The following FBH1 variants were observed in gnomAD, a reference collection of about 807,000 sequenced individuals.
The protein encoded by FBH1 is DNA 3'-5' helicase 1.
FBH1 carries 43 observed loss-of-function variants against 115.5 expected under a neutral mutation model. The ratio of observed to expected loss-of-function variants is 0.37; its 90% CI spans 0.29 to 0.48. The LOEUF is 0.48. Ranked by LOEUF, FBH1 falls within the 20% of genes least tolerant of loss-of-function variation. The pLI is 0.99. For synonymous variants in FBH1, 524 were observed against 507.8 expected (o/e 1.03, Z -0.43); for missense variants, 1,001 against 1,337.3 (o/e 0.75, Z 3.92).
chr10:5,924,075 T>C lies in FBH1; in HGVS notation c.2399-236T>C. 6 of 586,904 alleles carry C rather than the reference T, an allele frequency of 1.0e-5. No homozygotes were observed. The highest frequency in any genetic ancestry group is 1.5e-5 in the Non-Finnish European group (5 of 330,452). The allele number at this position is 586,904 out of a possible 1,614,324, so 36.4% of individuals were successfully genotyped here. A position where few individuals can be genotyped will look rare whatever the true frequency, so the allele number is the denominator to read the frequency against. ...TGCACTATTTCAAATCCCTGTGAAG[T>C]AGGTGAGGATCTTGAGCCGAGGGCT... On this transcript the variant is annotated intron_variant, in intron 16 of 20. Coordinates refer to ENST00000362091, the MANE Select transcript of FBH1 (RefSeq NM_178150.3). This position sits in a 1 kb window ranked among gnomAD's most constrained non-coding sequence, Gnocchi z 6.2.
In FBH1 at chr10:5,909,260, G is replaced by A. The variant is rs757455090; in HGVS notation, c.986G>A (p.Arg329Gln). 13 of 1,612,236 alleles carry A rather than the reference G, an allele frequency of 8.1e-6. No individual in the cohort carries two copies. The highest frequency in any genetic ancestry group is 7.6e-6 in the Non-Finnish European group (9 of 1,180,010). ...PLLPEAEACV[R>Q]QHLPDLYAAA... ...CTCCCCGAGGCTGAGGCGTGTGTGCGGCAACACCTCCCCGACCTCTACGCT... is the reference window on the plus strand; with the variant it reads ...CTCCCCGAGGCTGAGGCGTGTGTGCAGCAACACCTCCCCGACCTCTACGCT... The change falls in exon 5 of 21, where the codon CGG becomes CAG. Residue 329 changes from arginine to glutamine, a missense_variant. By Grantham distance (43) the Arg-to-Gln change is conservative. This residue lies in a region of FBH1 where 420 missense variants were observed against 430.4 expected (regional missense o/e 0.98). Transcript: ENST00000362091. This position sits in a 1 kb window ranked among gnomAD's most constrained non-coding sequence, Gnocchi z 4.4.
At position 5,918,546 on chromosome 10, in the gene FBH1, A is replaced by C. The variant is rs1026518522; in HGVS notation, c.2100+68A>C. On this transcript the variant is annotated intron_variant, in intron 13 of 20. Coordinates refer to ENST00000362091, the MANE Select transcript of FBH1 (RefSeq NM_178150.3). The surrounding 1 kb of genome is among the most constrained non-coding windows in gnomAD (Gnocchi z 4.0). The stretch of plus-strand genomic sequence containing the variant: ...AATGTCTTACGTGCCAGGCCCTGTG[A>C]AAGGTGGTATGCCAGGCTCACCAGA... 6.8e-7 allele frequency: 1 copy of C among 1,470,052 alleles called. No homozygotes were observed. Among genetic ancestry groups the C allele is most frequent in the Non-Finnish European group, 9.0e-7 (1 of 1,114,026 alleles). The allele number at this position is 1,470,052 out of a possible 1,614,324, so 91.1% of individuals were successfully genotyped here.
chr10:5,922,952 C>T (rs1832397811), intron 15 of FBH1, among the ~76,000 whole-genome samples: 1 of 151,864 alleles, frequency 6.6e-6, no homozygotes, highest in Admixed American at 6.6e-5. Context: ...GGTGTGATCT[C>T]GGTTTGCTGT....
At chr10:5,902,562 G>A (rs1433508687) in intron 1 of FBH1, among the ~76,000 whole-genome samples, 2 of 152,014 alleles carry the variant, frequency 1.3e-5, no homozygotes, top group Non-Finnish European at 2.9e-5. Context: ...CACCTCTTGG[G>A]TTCAAGCGAT....
chr10:5,934,454 C>G (rs1430296843), intron 19 of FBH1: 1 of 150,078 alleles, frequency 6.7e-6, no homozygotes, highest in Non-Finnish European at 1.5e-5. Flanking sequence ...CTCGGCTCAC[C>G]GCAACCTCCA....
Position 5,923,910 on chromosome 10 carries a change from C to A in FBH1, c.2398+214C>A, listed in dbSNP as rs1832461333. The A allele has an allele frequency of 1.7e-6, 1 of 587,940 alleles. No homozygotes were observed. Among genetic ancestry groups the A allele is most frequent in the Admixed American group, 3.1e-5 (1 of 32,226 alleles). 36.4% of individuals were successfully genotyped at this position (587,940 alleles called of 1,614,324 possible). A position where few individuals can be genotyped will look rare whatever the true frequency, so the allele number is the denominator to read the frequency against. On this transcript the variant is annotated intron_variant, in intron 16 of 20. Transcript: ENST00000362091. The surrounding 1 kb of genome is among the most constrained non-coding windows in gnomAD (Gnocchi z 5.7). The stretch of plus-strand genomic sequence containing the variant: ...AGATCCTCCTCACAGGAGCCTCAGT[C>A]TCTTTCCAACACTGGTCCCATAGAC...
Position 5,895,202 on chromosome 10 carries a change from G to C in FBH1, c.1+4856G>C. 1 of 1,609,080 alleles carries C rather than the reference G, an allele frequency of 6.2e-7. No homozygotes were observed. Among genetic ancestry groups the C allele is most frequent in the Non-Finnish European group, 8.5e-7 (1 of 1,176,812 alleles). ...GCACGCTGAAAGTAAGAGGCATGTG[G>C]GAAACTGACCAGGGCGGTTAGCTGA... is the stretch of plus-strand genomic sequence containing the variant. On this transcript the variant is annotated intron_variant, in intron 1 of 20. Transcript: ENST00000362091. This position sits in a 1 kb window ranked among gnomAD's most constrained non-coding sequence, Gnocchi z 5.0.
At chr10:5,902,883 GA>G (rs1348957155) in intron 1 of FBH1, 136 bp from the exon 2 acceptor site, 7 of 659,402 alleles carry the variant, frequency 1.1e-5, no homozygotes, top group Non-Finnish European at 4.7e-6. Context: ...GGGGCAAGGG[GA>G]GGGGGGAACG....
At chr10:5,890,129 C>T (rs901362294), upstream of FBH1, 3 of 324,718 alleles carry the variant, frequency 9.2e-6, no homozygotes, top group Non-Finnish European at 1.7e-5. Flanking sequence ...CCCCTCCGGT[C>T]TCGCGTCCCG....
chr10:5,894,229 C>G, intron 1 of FBH1: 1 of 985,406 alleles, frequency 1.0e-6, no homozygotes, highest in Non-Finnish European at 1.2e-6. Flanking sequence ...AATGGGGACA[C>G]AATATTTTGA....
chr10:5,890,231 C>A, upstream of FBH1: 1 of 357,018 alleles, frequency 2.8e-6, no homozygotes, highest in South Asian at 1.4e-4. Flanking sequence ...CGGCGGGCGT[C>A]TCGGGCTCCA....
chr10:5,937,049 G>T, intron 20 of FBH1, 61 bp from the exon 21 acceptor site: 2 of 1,500,676 alleles, frequency 1.3e-6, no homozygotes, highest in Non-Finnish European at 1.8e-6. Flanking sequence ...CATGCTTTTT[G>T]CTGGAAAATC....
intron 9 of FBH1, 101 bp from the exon 10 acceptor site, chr10:5,916,133 C>G (rs1022980253): frequency 2.3e-5 from 24 of 1,044,926 alleles, no homozygotes; most frequent in Non-Finnish European, 3.3e-5. Context: ...GTGTGTGGCA[C>G]TTGAAGCTAC....
rs752538687 is a variant in FBH1 at position 5,917,531 on chromosome 10, G to C, written c.1876+24G>C. On this transcript the variant is annotated intron_variant, in intron 11 of 20. Transcript: ENST00000362091. The surrounding 1 kb of genome is among the most constrained non-coding windows in gnomAD (Gnocchi z 5.6). The stretch of plus-strand genomic sequence containing the variant: ...CGGTAGGCGGCTGCCGAATGGCGGG[G>C]ACTGGCCAATGGGACTGCCTTCCTG... The C allele has an allele frequency of 1.2e-6, 2 of 1,613,574 alleles. No homozygotes were observed. Among genetic ancestry groups the C allele is most frequent in the Non-Finnish European group, 1.7e-6 (2 of 1,179,612 alleles).
At position 5,937,351 on chromosome 10, in the gene FBH1, G is replaced by A; in HGVS notation, c.*71G>A. The A allele has an allele frequency of 7.1e-7, 1 of 1,412,494 alleles. No homozygotes were observed. Among genetic ancestry groups the A allele is most frequent in the Middle Eastern group, 2.6e-4 (1 of 3,846 alleles). The allele number at this position is 1,412,494 out of a possible 1,614,324, so 87.5% of individuals were successfully genotyped here. On this transcript the variant is annotated 3_prime_UTR_variant, in exon 21 of 21. Coordinates refer to ENST00000362091, the MANE Select transcript of FBH1 (RefSeq NM_178150.3). ...CCCCGCGTGAAGAAAGCCAGCGAGG[G>A]GGGCTTCTGCTCCCTGAGACTCTGG...
chr10:5,923,508 A>G lies in FBH1; in HGVS notation c.2323-113A>G. On this transcript the variant is annotated intron_variant, in intron 15 of 20. Transcript: ENST00000362091. The surrounding 1 kb of genome is among the most constrained non-coding windows in gnomAD (Gnocchi z 5.7). ...AGATCCATTTCCAAGAAACCATCTC[A>G]TTTCAAAACCCCATCCCTGCATTTG... 1 of 806,058 alleles carries G rather than the reference A, an allele frequency of 1.2e-6. No individual in the cohort carries two copies. The highest frequency in any genetic ancestry group is 2.0e-6 in the Non-Finnish European group (1 of 511,342). 49.9% of individuals were successfully genotyped at this position (806,058 alleles called of 1,614,324 possible). A position where few individuals can be genotyped will look rare whatever the true frequency, so the allele number is the denominator to read the frequency against.
In FBH1 at chr10:5,897,422, C is replaced by T. The variant is rs932684877; in HGVS notation, c.2-5598C>T. ...GAGGAGGTGGACACAGGGCTCCTGG[C>T]TCCCAGTTCAGAGCATCACAGCACC... On this transcript the variant is annotated intron_variant, in intron 1 of 20. Transcript: ENST00000362091. This position sits in a 1 kb window ranked among gnomAD's most constrained non-coding sequence, Gnocchi z 4.7. 6.6e-6 allele frequency among the ~76,000 whole-genome samples: 1 copy of T among 151,884 alleles called. No individual in the cohort carries two copies. The highest frequency in any genetic ancestry group is 6.6e-5 in the Admixed American group (1 of 15,242).
At position 5,925,567 on chromosome 10, in the gene FBH1, CTTG is replaced by C; in HGVS notation, c.2722+81_2722+83del. 11 of 1,583,124 alleles carry C rather than the reference CTTG, an allele frequency of 6.9e-6. No individual in the cohort carries two copies. Among genetic ancestry groups the C allele is most frequent in the South Asian group, 2.3e-5 (2 of 86,468 alleles). On this transcript the variant is annotated intron_variant, in intron 18 of 20. Coordinates refer to ENST00000362091, the MANE Select transcript of FBH1 (RefSeq NM_178150.3). This position sits in a 1 kb window ranked among gnomAD's most constrained non-coding sequence, Gnocchi z 4.6. ...GACTGGAATGCTTCCTTTGCACGGC[CTTG>C]TTGTTTGTTGGATGGTGTGGCCTCC...
intron 1 of FBH1, among the ~76,000 whole-genome samples, chr10:5,892,121 T>A (rs974108224): frequency 6.6e-6 from 1 of 152,210 alleles, no homozygotes; most frequent in African/African-American, 2.4e-5. Context: ...AGTAAGCTAA[T>A]GGATGGAGCT....
Sources: allele counts gnomAD v4.1 joint callset (sites outside exome capture counted in the v4.1 genomes callset), GRCh38; gene constraint gnomAD v4.1.1; regional missense constraint gnomAD v4.1.1; non-coding constraint Gnocchi (gnomAD v3.1); transcripts MANE v1.5; gene names NCBI Gene and HGNC (gene_info 2026-07-23, HGNC 2026-07-21).